Variants in LRRIQ4 observed in about 807,000 individuals in gnomAD.
The protein encoded by LRRIQ4 is leucine rich repeats and IQ motif containing 4, also known as leucine-rich repeat and IQ domain-containing protein 4.
A neutral mutation model predicts 40.1 loss-of-function variants in LRRIQ4; 21 were observed. The ratio of observed to expected loss-of-function variants is 0.52; its 90% CI spans 0.37 to 0.75. The LOEUF is 0.75. Among genes scored for constraint, LRRIQ4 ranks in the 30% least tolerant of loss-of-function variants. The pLI is 0.00. For synonymous variants in LRRIQ4, 277 were observed against 277.1 expected (o/e 1.00, Z 0.00); for missense variants, 655 against 660.0 (o/e 0.99, Z 0.08).
At chr3:169,830,205 T>C (rs1780130063) in intron 3 of LRRIQ4, among the ~76,000 whole-genome samples, 1 of 151,518 alleles carries the variant, frequency 6.6e-6, no homozygotes, top group Admixed American at 6.6e-5. Flanking sequence ...CAAATTATTT[T>C]TCCATAAAGT....
chr3:169,815,125 T>C (rs1474405924), intron 1 of LRRIQ4, among the ~76,000 whole-genome samples: 1 of 152,240 alleles, frequency 6.6e-6, no homozygotes, highest in African/African-American at 2.4e-5. Flanking sequence ...CTGGATCTTT[T>C]GTGGTTTCAT....
At position 169,826,116 on chromosome 3, in the gene LRRIQ4, G is replaced by A. The variant is rs981965939; in HGVS notation, c.1021-2643G>A. ...CTATTAAAGGAGAAAAGCAGGCCAC[G>A]TGCGGTGACTCACGCCTGTAATCAC... On this transcript the variant is annotated intron_variant, in intron 2 of 5. Transcript: ENST00000340806. 1.1e-4 allele frequency among the ~76,000 whole-genome samples: 17 copies of A among 152,164 alleles called. No homozygotes were observed. In the South Asian group the frequency reaches 1.9e-3, roughly 17 times the overall value.
At position 169,828,798 on chromosome 3, in the gene LRRIQ4, C is replaced by T. The variant is rs1560613729; in HGVS notation, c.1060C>T (p.Leu354Phe). Residue 354 changes from leucine (L) to phenylalanine (F), a missense_variant, in exon 3 of 6, where the codon CTT (leucine) becomes TTT (phenylalanine). Transcript: ENST00000340806. ...ELGSLSKLKILGLTGNEFLSF... is the reference protein window; with the variant it reads ...ELGSLSKLKIFGLTGNEFLSF... ...GGGCTCACTTTCAAAACTGAAGATA[C>T]TTGGACTAACAGGAAATGAGTTCCT... 6.2e-7 allele frequency: 1 copy of T among 1,613,470 alleles called. No individual in the cohort carries two copies. The highest frequency in any genetic ancestry group is 8.5e-7 in the Non-Finnish European group (1 of 1,179,766).
intron 2 of LRRIQ4, among the ~76,000 whole-genome samples, chr3:169,827,296 T>C (rs935004091): frequency 6.6e-6 from 1 of 152,018 alleles, no homozygotes; most frequent in Non-Finnish European, 1.5e-5. Context: ...AATAGGGTGA[T>C]TGTCACATAT....
At chr3:169,832,142 A>T (rs1780194014) in intron 4 of LRRIQ4, among the ~76,000 whole-genome samples, 1 of 151,958 alleles carries the variant, frequency 6.6e-6, no homozygotes, top group Non-Finnish European at 1.5e-5. Flanking sequence ...TCTAATATTT[A>T]TGGACACTGG....
At chr3:169,816,666 T>G (rs1779776368) in intron 1 of LRRIQ4, among the ~76,000 whole-genome samples, 1 of 144,260 alleles carries the variant, frequency 6.9e-6, no homozygotes, top group Non-Finnish European at 1.5e-5. Flanking sequence ...GTGATTTCTT[T>G]TCTTCTACTT....
chr3:169,821,978 T>A lies in LRRIQ4; in HGVS notation c.57T>A (p.Asp19Glu), dbSNP rs373368102. 7.2e-6 allele frequency: 11 copies of A among 1,530,620 alleles called. No homozygotes were observed. Among genetic ancestry groups the A allele is most frequent in the Non-Finnish European group, 9.6e-6 (11 of 1,144,074 alleles). The allele number at this position is 1,530,620 out of a possible 1,614,324, so 94.8% of individuals were successfully genotyped here. Residue 19 changes from aspartate to glutamate, a missense_variant, in exon 2 of 6, where the codon GAT (aspartate) becomes GAA (glutamate). Coordinates refer to ENST00000340806, the MANE Select transcript of LRRIQ4 (RefSeq NM_001080460.3). ...EHSPKIHQRNDPQHVNDRTFF... is the reference protein window; with the variant it reads ...EHSPKIHQRNEPQHVNDRTFF... ...CACCTAAAATTCATCAGAGAAATGATCCACAGCACGTCAATGATAGAACAT... is the reference window on the plus strand; with the variant it reads ...CACCTAAAATTCATCAGAGAAATGAACCACAGCACGTCAATGATAGAACAT...
In LRRIQ4 at chr3:169,837,752, A is replaced by G. The variant is rs1780343394; in HGVS notation, c.*121A>G. On this transcript the variant is annotated 3_prime_UTR_variant, in exon 6 of 6. Coordinates refer to ENST00000340806, the MANE Select transcript of LRRIQ4 (RefSeq NM_001080460.3). Reference sequence around the variant, plus strand: ...AAATTACACTTATGTGTAAAAATAAATGATTCTTACTTTTACTGAAATATT... The same window carrying G: ...AAATTACACTTATGTGTAAAAATAAGTGATTCTTACTTTTACTGAAATATT... The G allele has an allele frequency of 5.0e-6, 4 of 807,208 alleles. No individual in the cohort carries two copies. Among genetic ancestry groups the G allele is most frequent in the Non-Finnish European group, 7.5e-6 (4 of 536,850 alleles). The allele number at this position is 807,208 out of a possible 1,614,324, so 50.0% of individuals were successfully genotyped here.
In LRRIQ4 at chr3:169,822,442, G is replaced by A. The variant is rs199991180; in HGVS notation, c.521G>A (p.Arg174Gln). 407 of 1,613,748 alleles carry A rather than the reference G, an allele frequency of 2.5e-4. 1 individual carries two copies. Among genetic ancestry groups the A allele is most frequent in the Non-Finnish European group, 4.9e-5 (58 of 1,179,824 alleles). ...AAGCTGAGGGAGATCTACCTGAAGC[G>A]AAACCAGTTTGAAGTTTTCCCCCAG... is the stretch of plus-strand genomic sequence containing the variant. Reference protein sequence around the residue: ...QTKLREIYLKRNQFEVFPQEL... With the variant: ...QTKLREIYLKQNQFEVFPQEL... The change falls in exon 2 of 6, where the codon CGA becomes CAA. Residue 174 changes from arginine to glutamine, a missense_variant. Transcript: ENST00000340806.
chr3:169,815,267 A>C (rs1395709207), intron 1 of LRRIQ4, among the ~76,000 whole-genome samples: 1 of 152,218 alleles, frequency 6.6e-6, no homozygotes, highest in African/African-American at 2.4e-5. Context: ...TAATCCAAGA[A>C]CATAAAATAT....
At chr3:169,828,729 C>A in intron 2 of LRRIQ4, 30 bp from the exon 3 acceptor site, 1 of 1,595,726 alleles carries the variant, frequency 6.3e-7, no homozygotes, top group South Asian at 1.1e-5. Flanking sequence ...TAATCTTGAC[C>A]TGAAACTTAT....
chr3:169,817,883 T>C (rs1317081056), intron 1 of LRRIQ4, among the ~76,000 whole-genome samples: 1 of 152,178 alleles, frequency 6.6e-6, no homozygotes, highest in Non-Finnish European at 1.5e-5. Flanking sequence ...TTTTTTAAAA[T>C]CCATTTAGCA....
chr3:169,830,377 GAAAAAAA>G (rs56795981), intron 3 of LRRIQ4, 108 bp from the exon 4 acceptor site: 296 of 106,574 alleles, frequency 2.8e-3, no homozygotes, highest in East Asian at 0.016. Flanking sequence ...CACTGAAAGT[GAAAAAAA>G]AAAAAAAAAA....
chr3:169,816,603 AT>A (rs200778165), intron 1 of LRRIQ4, among the ~76,000 whole-genome samples: 2,306 of 147,654 alleles, frequency 0.016, 62 homozygotes, highest in African/African-American at 0.055. Context: ...CATTTTATTA[AT>A]TTTTTTGCAT....
chr3:169,818,752 T>C (rs549428834), intron 1 of LRRIQ4, among the ~76,000 whole-genome samples: 2 of 152,358 alleles, frequency 1.3e-5, no homozygotes, highest in South Asian at 4.1e-4. Context: ...AGGTTACTTT[T>C]AGTTTGTTTG....
Position 169,822,344 on chromosome 3 carries a change from C to T in LRRIQ4, c.423C>T (p.Leu141=). The T allele has an allele frequency of 1.2e-6, 2 of 1,613,836 alleles. No homozygotes were observed. The highest frequency in any genetic ancestry group is 1.3e-5 in the African/African-American group (1 of 75,044). ...KEIPVVIFKN[L]HHLELLGLTG... ...TTCCCGTCGTCATCTTTAAAAACCT[C>T]CACCATCTCGAGCTGCTCGGACTGA... The change falls in exon 2 of 6, where the codon CTC becomes CTT. Residue 141 remains leucine, a synonymous_variant. Coordinates refer to ENST00000340806, the MANE Select transcript of LRRIQ4 (RefSeq NM_001080460.3).
intron 1 of LRRIQ4, among the ~76,000 whole-genome samples, chr3:169,814,125 C>A (rs764958621): frequency 1.3e-5 from 2 of 152,080 alleles, no homozygotes; most frequent in Non-Finnish European, 2.9e-5. Flanking sequence ...CTTGGTGTAC[C>A]GGAAAAATCG....
intron 2 of LRRIQ4, among the ~76,000 whole-genome samples, chr3:169,824,432 G>T (rs1465697711): frequency 6.7e-6 from 1 of 149,858 alleles, no homozygotes; most frequent in Non-Finnish European, 1.5e-5. Context: ...TAAAAGATTT[G>T]GGCAGTTGGG....
intron 2 of LRRIQ4, among the ~76,000 whole-genome samples, chr3:169,825,272 C>T (rs142146503): frequency 0.014 from 2,182 of 152,278 alleles, 54 homozygotes; most frequent in African/African-American, 0.051. Flanking sequence ...TCCCAAAGTG[C>T]TGGGATTACA....
Sources: gnomAD v4.1 joint callset for allele counts (sites outside exome capture counted in the v4.1 genomes callset) on GRCh38, gnomAD v4.1.1 for gene constraint, MANE v1.5 for transcripts, NCBI Gene and HGNC (gene_info 2026-07-23, HGNC 2026-07-21) for gene names.